Variants in FBXO25 observed in about 807,000 individuals in gnomAD.
FBXO25 encodes the protein F-box protein 25.
FBXO25 carries 45 observed loss-of-function variants against 51.9 expected under a neutral mutation model. The ratio of observed to expected loss-of-function variants is 0.87; its 90% CI spans 0.68 to 1.11. FBXO25 has a LOEUF of 1.11. FBXO25 is among the 50% of genes most tolerant of loss of function. The pLI is 0.00. For missense variants in FBXO25, 507 were observed against 428.5 expected (o/e 1.18, Z -1.62); for synonymous variants, 199 against 151.0 (o/e 1.32, Z -2.33).
chr8:409,677 A>T (rs903354290), intron 1 of FBXO25, among the ~76,000 whole-genome samples: 8 of 152,178 alleles, frequency 5.3e-5, no homozygotes, highest in Non-Finnish European at 1.0e-4. Flanking sequence ...AGCTGAGGAT[A>T]CCGGGATGTA....
intron 7 of FBXO25, among the ~76,000 whole-genome samples, chr8:454,238 T>C (rs923008787): frequency 1.3e-5 from 2 of 152,260 alleles, no homozygotes; most frequent in African/African-American, 4.8e-5. Context: ...GAAATTTTTT[T>C]TCTTGTGAAA....
At chr8:407,701 C>T (rs1046916963) in intron 1 of FBXO25, among the ~76,000 whole-genome samples, 1 of 152,138 alleles carries the variant, frequency 6.6e-6, no homozygotes, top group Non-Finnish European at 1.5e-5. Flanking sequence ...TGTGACCCCT[C>T]ATTCCTCCAG....
At chr8:462,072 A>G (rs942086797) in intron 8 of FBXO25, among the ~76,000 whole-genome samples, 1 of 152,110 alleles carries the variant, frequency 6.6e-6, no homozygotes, top group Non-Finnish European at 1.5e-5. Flanking sequence ...AGGAATTGCC[A>G]GACTGTTTGC....
At chr8:450,658 A>G (rs1443997357) in intron 6 of FBXO25, 1 of 152,318 alleles carries the variant, frequency 6.6e-6, no homozygotes, top group Non-Finnish European at 1.5e-5. Context: ...TTTATCAGAT[A>G]AAATTTTAAA....
intron 2 of FBXO25, among the ~76,000 whole-genome samples, chr8:415,147 T>C (rs1022777401): frequency 6.6e-6 from 1 of 152,216 alleles, no homozygotes; most frequent in Non-Finnish European, 1.5e-5. Context: ...CTCCTAATTC[T>C]TTGATTTAAG....
At chr8:457,773 C>T (rs1799544025) in intron 7 of FBXO25, among the ~76,000 whole-genome samples, 1 of 152,224 alleles carries the variant, frequency 6.6e-6, no homozygotes, top group Non-Finnish European at 1.5e-5. Context: ...AAGCACAGAA[C>T]ACCACATGCT....
At chr8:426,402 C>T (rs1351095534) in intron 2 of FBXO25, among the ~76,000 whole-genome samples, 31 of 152,122 alleles carry the variant, frequency 2.0e-4, no homozygotes, top group East Asian at 9.7e-4. Flanking sequence ...ACTACAAAGC[C>T]ACTCACGAGT....
At chr8:418,000 C>G (rs1796912493) in intron 2 of FBXO25, among the ~76,000 whole-genome samples, 1 of 152,200 alleles carries the variant, frequency 6.6e-6, no homozygotes, top group Non-Finnish European at 1.5e-5. Flanking sequence ...AGTTTATACT[C>G]TGCATAGTAG....
intron 7 of FBXO25, among the ~76,000 whole-genome samples, chr8:451,877 A>C (rs948826805): frequency 6.6e-6 from 1 of 152,176 alleles, no homozygotes; most frequent in African/African-American, 2.4e-5. Context: ...AGTTCTTAGC[A>C]ACAGTGAACA....
Position 477,435 on chromosome 8 carries a change from C to G in FBXO25, c.*8631C>G, listed in dbSNP as rs555635887. The G allele has an allele frequency of 1.3e-5, 2 of 152,306 alleles. No homozygotes were observed. Among genetic ancestry groups the G allele is most frequent in the East Asian group, 1.9e-4 (1 of 5,190 alleles). 9.4% of individuals were successfully genotyped at this position (152,306 alleles called of 1,614,324 possible). ...ATGTTTGTTTCATATATTTTGGGCT[C>G]TGATGTTTGGTGCATATATATTACA... On this transcript the variant is annotated 3_prime_UTR_variant, in exon 10 of 10. Transcript: ENST00000350302.
At chr8:450,683 C>CTGAG (rs2116722079) in intron 6 of FBXO25, 2 of 152,370 alleles carry the variant, frequency 1.3e-5, no homozygotes, top group South Asian at 4.1e-4. Context: ...TAAGAAATCT[C>CTGAG]ATATTTGTGA....
rs1800595197 is a variant in FBXO25 at position 474,805 on chromosome 8, T to C, written c.*6001T>C. The stretch of plus-strand genomic sequence containing the variant: ...CCATTCCGTGGATTGCCTTTCACTC[T>C]GTTTTGTTCTTTGATGTACAGAAGT... On this transcript the variant is annotated 3_prime_UTR_variant, in exon 10 of 10. Coordinates refer to ENST00000350302, the MANE Select transcript of FBXO25 (RefSeq NM_183420.2). 1 of 415,214 alleles carries C rather than the reference T, an allele frequency of 2.4e-6. No individual in the cohort carries two copies. Among genetic ancestry groups the C allele is most frequent in the Non-Finnish European group, 4.7e-6 (1 of 214,084 alleles). The allele number at this position is 415,214 out of a possible 1,614,324, so 25.7% of individuals were successfully genotyped here. A position where few individuals can be genotyped will look rare whatever the true frequency, so the allele number is the denominator to read the frequency against.
chr8:433,873 A>G (rs1374283836), intron 4 of FBXO25, among the ~76,000 whole-genome samples: 1 of 152,234 alleles, frequency 6.6e-6, no homozygotes, highest in Non-Finnish European at 1.5e-5. Flanking sequence ...TGGGTATAGA[A>G]TGAATCAGAT....
At chr8:424,004 A>G (rs1287845342) in intron 2 of FBXO25, among the ~76,000 whole-genome samples, 2 of 152,018 alleles carry the variant, frequency 1.3e-5, no homozygotes, top group Middle Eastern at 3.4e-3. Flanking sequence ...GTCAGATGGT[A>G]TCTCATTGTG....
chr8:476,790 A>G lies in FBXO25; in HGVS notation c.*7986A>G, dbSNP rs928650397. On this transcript the variant is annotated 3_prime_UTR_variant, in exon 10 of 10. Coordinates refer to ENST00000350302, the MANE Select transcript of FBXO25 (RefSeq NM_183420.2). ...TTTCTCTATTGCTTTTCTGTTCTCTATTTTGTCTCTGCTCTAATCTTTATT... is the reference window on the plus strand; with the variant it reads ...TTTCTCTATTGCTTTTCTGTTCTCTGTTTTGTCTCTGCTCTAATCTTTATT... 2.7e-5 allele frequency: 4 copies of G among 150,878 alleles called. No individual in the cohort carries two copies. The highest frequency in any genetic ancestry group is 6.6e-5 in the Admixed American group (1 of 15,186). 9.3% of individuals were successfully genotyped at this position (150,878 alleles called of 1,614,324 possible).
chr8:435,551 T>G, intron 4 of FBXO25, 64 bp from the exon 5 acceptor site: 4 of 1,563,730 alleles, frequency 2.6e-6, no homozygotes, highest in Non-Finnish European at 3.4e-6. Context: ...CACAATTAAT[T>G]GACATTAACT....
At chr8:426,049 C>A (rs1188688246) in intron 2 of FBXO25, among the ~76,000 whole-genome samples, 1 of 152,222 alleles carries the variant, frequency 6.6e-6, no homozygotes, top group Non-Finnish European at 1.5e-5. Context: ...TACCAGAACA[C>A]TGGTGGTTGT....
chr8:458,604 T>C, intron 8 of FBXO25, 53 bp downstream of exon 8: 1 of 1,568,974 alleles, frequency 6.4e-7, no homozygotes, highest in Middle Eastern at 1.7e-4. Context: ...AGACTCTGCC[T>C]GGGGGCCATA....
At chr8:419,472 C>T (rs1797021449) in intron 2 of FBXO25, among the ~76,000 whole-genome samples, 1 of 152,206 alleles carries the variant, frequency 6.6e-6, no homozygotes, top group Non-Finnish European at 1.5e-5. Flanking sequence ...GTCAGTGGAA[C>T]ACAACAGAGG....
Sources: allele counts gnomAD v4.1 joint callset (sites outside exome capture counted in the v4.1 genomes callset), GRCh38; gene constraint gnomAD v4.1.1; transcripts MANE v1.5; gene names NCBI Gene and HGNC (gene_info 2026-07-23, HGNC 2026-07-21).